Variants in DCTN4 observed in about 807,000 individuals in gnomAD.
The protein encoded by DCTN4 is dynactin subunit 4.
Under a neutral mutation model 62.7 loss-of-function variants are expected in DCTN4, and 23 were observed. The ratio of observed to expected loss-of-function variants is 0.37; its 90% CI spans 0.26 to 0.52. The LOEUF (loss-of-function observed/expected upper bound fraction) is 0.52, where lower values mean the gene tolerates loss of function less well. Ranked by LOEUF, DCTN4 falls within the 20% of genes least tolerant of loss-of-function variation. The pLI is 0.92. For missense variants in DCTN4, 514 were observed against 580.4 expected, an observed-to-expected ratio of 0.89 and a Z score of 1.18; for synonymous variants, 199 against 202.1, an observed-to-expected ratio of 0.98 and a Z score of 0.13.
intron 5 of DCTN4, chr5:150,731,811 A>C (rs555338859): frequency 2.2e-6 from 3 of 1,365,550 alleles, no homozygotes; most frequent in South Asian, 2.5e-5. Flanking sequence ...GATACACAAC[A>C]GACGTCTTCC....
At chr5:150,745,624 A>G (rs2113118335) in intron 3 of DCTN4, among the ~76,000 whole-genome samples, 1 of 152,384 alleles carries the variant, frequency 6.6e-6, no homozygotes, top group Non-Finnish European at 1.5e-5. Flanking sequence ...ACTAGAACTC[A>G]GGATTAAGAA....
Position 150,758,235 on chromosome 5 carries a change from C to T in DCTN4, c.135+624G>A, listed in dbSNP as rs1752934091. 7 of 985,446 alleles carry T rather than the reference C, an allele frequency of 7.1e-6. No homozygotes were observed. The South Asian group carries it at 1.4e-4, about 20-fold the overall frequency. The allele number at this position is 985,446 out of a possible 1,614,324, so 61.0% of individuals were successfully genotyped here. A position where few individuals can be genotyped will look rare whatever the true frequency, so the allele number is the denominator to read the frequency against. On this transcript the variant is annotated intron_variant, in intron 1 of 12. Coordinates refer to ENST00000447998, the MANE Select transcript of DCTN4 (RefSeq NM_016221.4). ...GTCTTCTTTTTGAAAAATCCAACTT[C>T]GGACGCCCACTTGTGCCAGGGAAGG...
rs781698888 is a variant in DCTN4, at chr5:150,718,369, G to A, written c.978C>T (p.Leu326=). The part of the protein sequence containing the change: ...NLRYMKESQV[L]LTLTNPVENL... ...TCTCAACTGGATTTGTAAGAGTCAG[G>A]AGGACCTGGCTCTCCTGGTGAATAG... Residue 326 remains leucine (L), a synonymous_variant, in exon 11 of 13, where the codon CTC becomes CTT. Coordinates refer to ENST00000447998, the MANE Select transcript of DCTN4 (RefSeq NM_016221.4). 3 of 1,613,744 alleles carry A rather than the reference G, an allele frequency of 1.9e-6. No homozygotes were observed. Among genetic ancestry groups the A allele is most frequent in the Middle Eastern group, 1.6e-4 (1 of 6,062 alleles).
At chr5:150,730,845 T>C in intron 7 of DCTN4, 105 bp from the exon 8 acceptor site, 3 of 984,242 alleles carry the variant, frequency 3.0e-6, no homozygotes, top group South Asian at 2.9e-5. Flanking sequence ...CGAACAGTGT[T>C]GTTCATAAAA....
In DCTN4 at chr5:150,727,460, AG is replaced by A. The variant is rs879526405; in HGVS notation, c.834+3170del. Among the ~76,000 whole-genome samples the A allele has an allele frequency of 5.1e-4, 77 of 152,288 alleles. 1 individual carries two copies. The highest frequency in any genetic ancestry group is 1.8e-3 in the African/African-American group (74 of 41,568). ...TAAAATATTTAATTTTAGGCTTCTT[AG>A]GACATTTCTAAAGCAGATTAAACCC... is the stretch of plus-strand genomic sequence containing the variant. On this transcript the variant is annotated intron_variant, in intron 8 of 12. Coordinates refer to ENST00000447998, the MANE Select transcript of DCTN4 (RefSeq NM_016221.4).
chr5:150,724,824 A>G (rs1017304542), intron 8 of DCTN4, among the ~76,000 whole-genome samples: 2 of 152,162 alleles, frequency 1.3e-5, no homozygotes, highest in African/African-American at 2.4e-5. Context: ...TTATACAGAA[A>G]AAGTGCATAC....
chr5:150,725,036 T>C (rs929089723), intron 8 of DCTN4, among the ~76,000 whole-genome samples: 6 of 151,370 alleles, frequency 4.0e-5, no homozygotes, highest in African/African-American at 1.2e-4. Flanking sequence ...CGGGCGCCTG[T>C]AGTCCCAGCT....
Position 150,730,724 on chromosome 5 carries a change from C to T in DCTN4, c.741G>A (p.Gln247=), listed in dbSNP as rs369567100. 5 of 1,613,940 alleles carry T rather than the reference C, an allele frequency of 3.1e-6. No individual in the cohort carries two copies. The highest frequency in any genetic ancestry group is 2.7e-5 in the African/African-American group (2 of 74,940). Residue 247 remains glutamine (Q), a synonymous_variant, in exon 8 of 13, where the codon CAG becomes CAA. Coordinates refer to ENST00000447998, the MANE Select transcript of DCTN4 (RefSeq NM_016221.4). ...GCTGGAAGTCAGGCTGTAACAGACG[C>T]TGCTGAAGGGTTGTTACTAGAAAGA... ...VNLTEVTTLQ[Q]RLLQPDFQPV... is the part of the protein sequence containing the mutation.
At position 150,713,297 on chromosome 5, in the gene DCTN4, T is replaced by TA. The variant is rs201314417; in HGVS notation, c.1170-1936dup. Among the ~76,000 whole-genome samples the TA allele has an allele frequency of 4.8e-3, 734 of 152,090 alleles. 5 individuals are homozygous for TA. Among genetic ancestry groups the TA allele is most frequent in the African/African-American group, 0.017 (692 of 41,506 alleles). On this transcript the variant is annotated intron_variant, in intron 12 of 12. Coordinates refer to ENST00000447998, the MANE Select transcript of DCTN4 (RefSeq NM_016221.4). ...ATTTCTGGTCCCTAGCTAGACCTGCTAAAAAAAATCCTCTGGGGTTAGGGT... is the reference window on the plus strand; with the variant it reads ...ATTTCTGGTCCCTAGCTAGACCTGCTAAAAAAAAATCCTCTGGGGTTAGGGT...
At chr5:150,733,826 CCCAACT>C (rs1288982442) in intron 4 of DCTN4, 3 of 167,128 alleles carry the variant, frequency 1.8e-5, no homozygotes, top group Non-Finnish European at 3.9e-5. Flanking sequence ...TATTTTATTC[CCCAACT>C]CCATCACACT....
intron 10 of DCTN4, 93 bp from the exon 11 acceptor site, chr5:150,718,476 C>T: frequency 1.3e-6 from 1 of 778,828 alleles, no homozygotes; most frequent in South Asian, 1.6e-5. Flanking sequence ...GCCATTACTC[C>T]TGGGCAATGA....
chr5:150,747,990 A>G (rs1249030869), intron 3 of DCTN4, among the ~76,000 whole-genome samples: 13 of 145,696 alleles, frequency 8.9e-5, no homozygotes, highest in African/African-American at 2.9e-4. Context: ...AACTACCATC[A>G]GAGTGAACAG....
rs201517746 is a variant in DCTN4, at chr5:150,731,151, T to C, written c.617A>G (p.Lys206Arg). The C allele has an allele frequency of 4.1e-5, 65 of 1,603,910 alleles. No homozygotes were observed. Residue 206 changes from lysine to arginine, a missense_variant, in exon 7 of 13, where the codon AAA becomes AGA. Lys to Arg is a conservative substitution (Grantham distance 26, BLOSUM62 2). Transcript: ENST00000447998. ...SISTLAGLSL[K>R]EGEDQKEIKI... ...TATCTCTTTCTGATCCTCTCCTTCT[T>C]TAAGGCTGAAAAATTAAAAAAACAA...
rs576964712 is a variant in DCTN4 at position 150,745,825 on chromosome 5, C to T, written c.386-3668G>A. Among the ~76,000 whole-genome samples the T allele has an allele frequency of 6.7e-3, 1,016 of 151,860 alleles. 12 individuals carry two copies. Among genetic ancestry groups the T allele is most frequent in the African/African-American group, 0.023 (965 of 41,390 alleles). On this transcript the variant is annotated intron_variant, in intron 3 of 12. Coordinates refer to ENST00000447998, the MANE Select transcript of DCTN4 (RefSeq NM_016221.4). Reference sequence around the variant, plus strand: ...AGGGAAATTTATAGCACTAAATGCCCACAAGAGAAACCAGGAAAGATCCAA... The same window carrying T: ...AGGGAAATTTATAGCACTAAATGCCTACAAGAGAAACCAGGAAAGATCCAA...
chr5:150,724,137 G>A (rs943504175), intron 8 of DCTN4, among the ~76,000 whole-genome samples: 2 of 152,058 alleles, frequency 1.3e-5, no homozygotes, highest in African/African-American at 2.4e-5. Context: ...CTAATCTGAC[G>A]ATTATGAAAT....
chr5:150,753,374 G>C lies in DCTN4; in HGVS notation c.385+105C>G. On this transcript the variant is annotated intron_variant, in intron 3 of 12. Coordinates refer to ENST00000447998, the MANE Select transcript of DCTN4 (RefSeq NM_016221.4). ...AGAAGAGTTAATGACAAAATATTCT[G>C]AATTTAGCTCCTATCGCCCCAACGG... 7 of 968,712 alleles carry C rather than the reference G, an allele frequency of 7.2e-6. No individual in the cohort carries two copies. The South Asian group carries it at 8.6e-5, about 12-fold the overall frequency. The allele number at this position is 968,712 out of a possible 1,614,324, so 60.0% of individuals were successfully genotyped here.
chr5:150,739,180 CA>C (rs564417540), intron 4 of DCTN4, among the ~76,000 whole-genome samples: 2,839 of 75,088 alleles, frequency 0.038, 56 homozygotes, highest in African/African-American at 0.1. Context: ...GATTTCATCT[CA>C]AAAAAAAAAA....
chr5:150,711,446 T>C, intron 12 of DCTN4, 84 bp from the exon 13 acceptor site: 2 of 1,044,578 alleles, frequency 1.9e-6, no homozygotes, highest in South Asian at 2.8e-5. Flanking sequence ...TCTTTCACCT[T>C]ATTCTTTCCT....
intron 5 of DCTN4, 27 bp downstream of exon 5, chr5:150,733,341 C>T: frequency 6.4e-7 from 1 of 1,559,280 alleles, no homozygotes; most frequent in African/African-American, 1.4e-5. Context: ...AGAGGTCTTG[C>T]AAATCATTTT....
Sources: allele counts gnomAD v4.1 joint callset (sites outside exome capture counted in the v4.1 genomes callset), GRCh38; gene constraint gnomAD v4.1.1; transcripts MANE v1.5; gene names NCBI Gene and HGNC (gene_info 2026-07-23, HGNC 2026-07-21).